Variants in CREB5 observed in about 807,000 individuals in gnomAD.
CREB5 encodes cyclic AMP-responsive element-binding protein 5.
In CREB5, 19 loss-of-function variants were observed where a neutral mutation model predicts 57.1. The observed-to-expected ratio is 0.33, with a 90% CI of 0.23 to 0.49. The LOEUF (loss-of-function observed/expected upper bound fraction) is 0.49. CREB5 is among the 20% of genes least tolerant of loss of function. The pLI, the probability that CREB5 is intolerant of heterozygous loss-of-function variation, is 0.99. For synonymous variants in CREB5, 238 were observed against 238.3 expected (o/e 1.00, Z 0.01); for missense variants, 579 against 671.6 (o/e 0.86, Z 1.52).
At chr7:28,590,323 A>G (rs972777068) in intron 5 of CREB5, among the ~76,000 whole-genome samples, 1 of 152,046 alleles carries the variant, frequency 6.6e-6, no homozygotes, top group African/African-American at 2.4e-5. Flanking sequence ...TGTGGCACAT[A>G]TACACCATGG....
intron 5 of CREB5, among the ~76,000 whole-genome samples, chr7:28,715,213 G>A (rs1428833751): frequency 1.3e-5 from 2 of 152,228 alleles, no homozygotes; most frequent in African/African-American, 4.8e-5. Flanking sequence ...CAATAATAAC[G>A]TAGTTATGGG....
intron 3 of CREB5, among the ~76,000 whole-genome samples, chr7:28,504,595 C>A (rs1385629613): frequency 1.3e-5 from 2 of 152,178 alleles, no homozygotes; most frequent in Non-Finnish European, 1.5e-5. Flanking sequence ...TCAAACCAAA[C>A]TAAAAACAAG....
At chr7:28,719,872 C>T (rs1209477798) in intron 6 of CREB5, among the ~76,000 whole-genome samples, 1 of 152,084 alleles carries the variant, frequency 6.6e-6, no homozygotes, top group African/African-American at 2.4e-5. Context: ...CCAGCCTGGC[C>T]AACATGGTGA....
intron 7 of CREB5, among the ~76,000 whole-genome samples, chr7:28,741,168 C>T (rs943370272): frequency 3.9e-5 from 6 of 152,094 alleles, no homozygotes; most frequent in South Asian, 2.1e-4. Context: ...AACAGGCCTC[C>T]GTGCGCACTC....
intron 4 of CREB5, among the ~76,000 whole-genome samples, chr7:28,569,651 A>G (rs2128647922): frequency 6.6e-6 from 1 of 152,314 alleles, no homozygotes; most frequent in East Asian, 1.9e-4. Context: ...GTGAATACAA[A>G]CATCCTATGT....
intron 5 of CREB5, among the ~76,000 whole-genome samples, chr7:28,597,388 G>C (rs1187035691): frequency 6.6e-6 from 1 of 152,118 alleles, no homozygotes; most frequent in East Asian, 1.9e-4. Flanking sequence ...TGCCACAGTT[G>C]TTTTCAGCTG....
At chr7:28,739,412 C>T (rs1804212440) in intron 7 of CREB5, among the ~76,000 whole-genome samples, 1 of 152,018 alleles carries the variant, frequency 6.6e-6, no homozygotes, top group Admixed American at 6.6e-5. Context: ...AGGGAGAATA[C>T]AAAGAGTGAG....
intron 5 of CREB5, among the ~76,000 whole-genome samples, chr7:28,597,190 T>C (rs1583685607): frequency 1.3e-5 from 2 of 152,332 alleles, no homozygotes; most frequent in South Asian, 4.1e-4. Context: ...AGAACAATCC[T>C]GGAACCCAAG....
intron 2 of CREB5, among the ~76,000 whole-genome samples, chr7:28,494,495 T>C (rs957432403): frequency 6.6e-6 from 1 of 152,182 alleles, no homozygotes; most frequent in African/African-American, 2.4e-5. Context: ...ATATATAGTT[T>C]AGTGATTAAT....
At chr7:28,522,393 T>TG (rs961883200) in intron 4 of CREB5, among the ~76,000 whole-genome samples, 4 of 116,142 alleles carry the variant, frequency 3.4e-5, no homozygotes, top group African/African-American at 1.1e-4. Context: ...GCTCTTTGTT[T>TG]TTTTTTTTTT....
chr7:28,544,252 T>C (rs533423942), intron 4 of CREB5, among the ~76,000 whole-genome samples: 104 of 152,174 alleles, frequency 6.8e-4, no homozygotes, highest in Non-Finnish European at 1.2e-3. Flanking sequence ...GCCTGGCACA[T>C]GGCCGGGGCT....
intron 5 of CREB5, among the ~76,000 whole-genome samples, chr7:28,698,761 G>A (rs1801699916): frequency 6.6e-6 from 1 of 152,180 alleles, no homozygotes; most frequent in African/African-American, 2.4e-5. Flanking sequence ...TCTTGGAAAT[G>A]TGCATTCTGT....
intron 7 of CREB5, among the ~76,000 whole-genome samples, chr7:28,777,236 G>A (rs1040202054): frequency 5.9e-5 from 9 of 152,114 alleles, no homozygotes; most frequent in Admixed American, 1.3e-4. Flanking sequence ...TTAGTGTTCC[G>A]AACCTTAAAA....
At chr7:28,457,317 G>A (rs903930075) in intron 1 of CREB5, among the ~76,000 whole-genome samples, 5 of 152,160 alleles carry the variant, frequency 3.3e-5, no homozygotes, top group African/African-American at 9.7e-5. Context: ...ACCATTGCTA[G>A]ATTTTGGACT....
intron 1 of CREB5, among the ~76,000 whole-genome samples, chr7:28,457,990 G>T (rs1166947829): frequency 4.6e-5 from 7 of 152,112 alleles, no homozygotes; most frequent in African/African-American, 1.4e-4. Context: ...AGGACTCTAG[G>T]CCTGGAAAGG....
chr7:28,560,577 A>C (rs576616716), intron 4 of CREB5, among the ~76,000 whole-genome samples: 37 of 152,254 alleles, frequency 2.4e-4, no homozygotes, highest in African/African-American at 7.7e-4. Flanking sequence ...TTGTATGATC[A>C]GGACAGGAGG....
At chr7:28,556,380 C>A (rs555342619) in intron 4 of CREB5, among the ~76,000 whole-genome samples, 1 of 152,064 alleles carries the variant, frequency 6.6e-6, no homozygotes, top group African/African-American at 2.4e-5. Flanking sequence ...CACGCTTGCC[C>A]GAGCTCATCT....
intron 1 of CREB5, among the ~76,000 whole-genome samples, chr7:28,450,641 G>A (rs1789748484): frequency 6.6e-6 from 1 of 152,198 alleles, no homozygotes; most frequent in Admixed American, 6.5e-5. Flanking sequence ...CCTGTCACAA[G>A]TTTTCACCCC....
At chr7:28,336,691 T>G (rs1420481936) in intron 1 of CREB5, among the ~76,000 whole-genome samples, 4 of 152,094 alleles carry the variant, frequency 2.6e-5, no homozygotes, top group African/African-American at 9.7e-5. Flanking sequence ...ACAAATTCAT[T>G]TATTTCTGCT....
Sources: gnomAD v4.1 joint callset for allele counts (sites outside exome capture counted in the v4.1 genomes callset) on GRCh38, gnomAD v4.1.1 for gene constraint, MANE v1.5 for transcripts, NCBI Gene and HGNC (gene_info 2026-07-23, HGNC 2026-07-21) for gene names.